NRXN3: variants seen among roughly 807,000 people sequenced by gnomAD.
NRXN3 encodes the protein neurexin 3, also known as neurexin III.
Under a neutral mutation model 137.6 loss-of-function variants are expected in NRXN3, and 32 were observed. The ratio of observed to expected loss-of-function variants is 0.23; its 90% confidence interval spans 0.18 to 0.31. The LOEUF (loss-of-function observed/expected upper bound fraction) is 0.31, where lower values mean the gene tolerates loss of function less well. Among genes scored for constraint, NRXN3 ranks in the 10% least tolerant of loss-of-function variants. The pLI is 1.00. For synonymous variants in NRXN3, 798 were observed against 784.5 expected (o/e 1.02, Z -0.29); for missense variants, 1,574 against 2,062.5 (o/e 0.76, Z 4.59).
chr14:78,483,172 A>G (rs780077602), intron 4 of NRXN3, among the ~76,000 whole-genome samples: 2 of 152,212 alleles, frequency 1.3e-5, no homozygotes, highest in African/African-American at 4.8e-5. Context: ...ACTTTGGCTT[A>G]AGCAAAACAG....
chr14:79,130,504 GC>G (rs1202033783), intron 15 of NRXN3, among the ~76,000 whole-genome samples: 1 of 151,736 alleles, frequency 6.6e-6, no homozygotes, highest in Admixed American at 6.6e-5. Flanking sequence ...TTGAATATTG[GC>G]CCCCACTCTC....
chr14:79,458,788 C>T lies in NRXN3; in HGVS notation c.3263-8433C>T, dbSNP rs138044875. Reference sequence around the variant, plus strand: ...TCACATAGACCTCATTATAAATTTACCCTTCAGAATTTAGAGTTGTCTGAG... The same window carrying T: ...TCACATAGACCTCATTATAAATTTATCCTTCAGAATTTAGAGTTGTCTGAG... On this transcript the variant is annotated intron_variant, in intron 15 of 20. Transcript: ENST00000335750. Among the ~76,000 whole-genome samples the T allele has an allele frequency of 3.0e-3, 455 of 152,184 alleles. 4 individuals are homozygous for T. Among genetic ancestry groups the T allele is most frequent in the African/African-American group, 1.0e-2 (415 of 41,546 alleles).
At chr14:79,065,933 T>C (rs965392509) in intron 15 of NRXN3, among the ~76,000 whole-genome samples, 2 of 152,098 alleles carry the variant, frequency 1.3e-5, no homozygotes, top group Non-Finnish European at 2.9e-5. Context: ...TGGCATCCAT[T>C]AGCTCTTCTT....
intron 14 of NRXN3, among the ~76,000 whole-genome samples, chr14:78,980,646 C>G (rs2099487061): frequency 6.6e-6 from 1 of 152,086 alleles, no homozygotes; most frequent in South Asian, 2.1e-4. Context: ...GAAGAACAAT[C>G]CCACCATCAA....
At chr14:78,932,804 A>G (rs1567742226) in intron 10 of NRXN3, among the ~76,000 whole-genome samples, 1 of 152,176 alleles carries the variant, frequency 6.6e-6, no homozygotes, top group Non-Finnish European at 1.5e-5. Context: ...TTCCACCTTT[A>G]TATATATTTT....
Position 78,649,854 on chromosome 14 carries a change from C to T in NRXN3, c.1060-1311C>T, listed in dbSNP as rs562178245. Among the ~76,000 whole-genome samples the T allele has an allele frequency of 5.9e-5, 9 of 152,210 alleles. No homozygotes were observed. The East Asian group carries it at 1.7e-3, about 29-fold the overall frequency. The stretch of plus-strand genomic sequence containing the variant: ...CTTACCCTTCTTTTACTTTACTCCC[C>T]TACCGTGGCCAAAAGGATATCCACC... On this transcript the variant is annotated intron_variant, in intron 5 of 20. Coordinates refer to ENST00000335750, the MANE Select transcript of NRXN3 (RefSeq NM_001330195.2).
chr14:78,922,002 C>T (rs1297043570), intron 10 of NRXN3, among the ~76,000 whole-genome samples: 1 of 152,156 alleles, frequency 6.6e-6, no homozygotes, highest in African/African-American at 2.4e-5. Context: ...ATCTCATCCT[C>T]CTTGACTTCT....
rs2097459655 is a variant in NRXN3 at position 79,558,918 on chromosome 14, C to T, written c.3444+91516C>T. 2.0e-5 allele frequency among the ~76,000 whole-genome samples: 3 copies of T among 152,180 alleles called. No homozygotes were observed. In the South Asian group the frequency reaches 6.2e-4, roughly 31 times the overall value. On this transcript the variant is annotated intron_variant, in intron 16 of 20. Transcript: ENST00000335750. ...TCTCCATTAGCATGTGCTACTTCAC[C>T]TTGCACTTTTATGTATGGAGGTGAC...
At chr14:79,035,536 C>T (rs977700365) in intron 15 of NRXN3, among the ~76,000 whole-genome samples, 1 of 152,084 alleles carries the variant, frequency 6.6e-6, no homozygotes, top group African/African-American at 2.4e-5. Context: ...ATGCTATATA[C>T]TTATACAGCA....
At chr14:79,116,766 T>A (rs2054517517) in intron 15 of NRXN3, among the ~76,000 whole-genome samples, 1 of 152,204 alleles carries the variant, frequency 6.6e-6, no homozygotes, top group African/African-American at 2.4e-5. Flanking sequence ...GAGACTTCAT[T>A]TCCACCCCAA....
At chr14:79,611,414 A>G (rs544691381) in intron 16 of NRXN3, 1 of 152,348 alleles carries the variant, frequency 6.6e-6, no homozygotes, top group South Asian at 2.1e-4. Flanking sequence ...CCTGGCTAAC[A>G]CGGTGAAACC....
intron 15 of NRXN3, among the ~76,000 whole-genome samples, chr14:79,127,751 G>A (rs1470966929): frequency 7.9e-5 from 12 of 152,240 alleles, no homozygotes; most frequent in Non-Finnish European, 5.9e-5. Flanking sequence ...TATTGAATCT[G>A]TAAATTACCT....
In NRXN3 at chr14:78,645,349, T is replaced by G; in HGVS notation, c.987T>G (p.Ile329Met). 1 of 1,598,482 alleles carries G rather than the reference T, an allele frequency of 6.3e-7. No homozygotes were observed. The highest frequency in any genetic ancestry group is 8.5e-7 in the Non-Finnish European group (1 of 1,179,414). ...TGGGGTCCGGGGCCTTTGAGGCCAT[T>G]GTGGAGCCAGTGAATGGAAAATTCA... The part of the protein sequence containing the change: ...INLGSGAFEA[I>M]VEPVNGKFND... Residue 329 changes from isoleucine to methionine, a missense_variant, in exon 5 of 21, where the codon ATT becomes ATG. Coordinates refer to ENST00000335750, the MANE Select transcript of NRXN3 (RefSeq NM_001330195.2).
intron 15 of NRXN3, among the ~76,000 whole-genome samples, chr14:79,380,523 G>A (rs2094441816): frequency 6.6e-6 from 1 of 152,072 alleles, no homozygotes; most frequent in African/African-American, 2.4e-5. Context: ...CAAAGGACAT[G>A]AACTCATCCT....
Position 79,018,943 on chromosome 14 carries a change from C to A in NRXN3, c.3262+30802C>A, listed in dbSNP as rs1416344646. Among the ~76,000 whole-genome samples the A allele has an allele frequency of 2.6e-5, 4 of 152,298 alleles. No homozygotes were observed. In the South Asian group the frequency reaches 6.2e-4, roughly 24 times the overall value. ...TCCCTGCCTTTTCTCTACTTATTAT[C>A]CTTCTCTACTTATTCATCCTTCAAG... On this transcript the variant is annotated intron_variant, in intron 15 of 20. Coordinates refer to ENST00000335750, the MANE Select transcript of NRXN3 (RefSeq NM_001330195.2).
intron 15 of NRXN3, among the ~76,000 whole-genome samples, chr14:79,020,325 G>T (rs1372653617): frequency 1.3e-5 from 2 of 148,528 alleles, no homozygotes; most frequent in Non-Finnish European, 3.0e-5. Flanking sequence ...GAGTGCAATG[G>T]CTCGATCTTG....
chr14:78,956,509 T>G (rs562813136), intron 10 of NRXN3, among the ~76,000 whole-genome samples: 1 of 152,276 alleles, frequency 6.6e-6, no homozygotes, highest in South Asian at 2.1e-4. Context: ...TAGTGGCACT[T>G]TATATTAGTC....
chr14:79,614,909 T>G (rs1241829196), intron 16 of NRXN3, among the ~76,000 whole-genome samples: 1 of 152,066 alleles, frequency 6.6e-6, no homozygotes, highest in Non-Finnish European at 1.5e-5. Context: ...CACTTGCAGG[T>G]CAAAAAGGAA....
At chr14:79,765,743 C>T (rs532723593) in intron 19 of NRXN3, among the ~76,000 whole-genome samples, 33 of 152,284 alleles carry the variant, frequency 2.2e-4, no homozygotes, top group East Asian at 1.9e-3. Flanking sequence ...ATGAGAGCCC[C>T]GTGCAGGGTC....
Sources: allele counts gnomAD v4.1 joint callset (sites outside exome capture counted in the v4.1 genomes callset), GRCh38; gene constraint gnomAD v4.1.1; transcripts MANE v1.5; gene names NCBI Gene and HGNC (gene_info 2026-07-23, HGNC 2026-07-21).